The following SUCLA2 variants were observed in gnomAD, a reference collection of about 807,000 sequenced individuals.
The protein encoded by SUCLA2 is succinate-CoA ligase ADP-forming subunit beta, also known as succinate--CoA ligase [ADP-forming] subunit beta, mitochondrial.
Under a neutral mutation model 54.8 loss-of-function variants are expected in SUCLA2, and 30 were observed. That is an observed-to-expected ratio of 0.55 (90% confidence interval 0.41 to 0.74). The LOEUF is 0.74. Ranked by LOEUF, SUCLA2 falls within the 30% of genes least tolerant of loss-of-function variation. The probability of loss-of-function intolerance (pLI) is 0.00; values close to 1 mark genes in which losing one functional copy is unlikely to be tolerated. For missense variants in SUCLA2, 476 were observed against 562.9 expected (o/e 0.85, Z 1.56); for synonymous variants, 172 against 188.9 (o/e 0.91, Z 0.74).
chr13:47,967,705 G>C (rs571731907), intron 6 of SUCLA2, among the ~76,000 whole-genome samples: 1 of 151,750 alleles, frequency 6.6e-6, no homozygotes, highest in East Asian at 1.9e-4. Context: ...TTATCCAGGC[G>C]CGGTGGTGCA....
At chr13:47,988,343 G>C (rs1274364245) in intron 4 of SUCLA2, 198 bp downstream of exon 4, 1 of 580,888 alleles carries the variant, frequency 1.7e-6, no homozygotes, top group Non-Finnish European at 2.9e-6. Flanking sequence ...ATAATTTTAA[G>C]ATCATGATAT....
rs897279318 is a variant in SUCLA2, at chr13:47,996,287, C to T, written c.271+556G>A. On this transcript the variant is annotated intron_variant, in intron 2 of 10. Transcript: ENST00000646932. ...GCAGTGAGCCAGGATTGCACCATTG[C>T]ACTCCAACCTGGGCAATAAGAATGA... is the stretch of plus-strand genomic sequence containing the variant. 4.8e-5 allele frequency among the ~76,000 whole-genome samples: 7 copies of T among 145,004 alleles called. No homozygotes were observed. The East Asian group carries it at 1.4e-3, about 29-fold the overall frequency.
At chr13:47,998,371 T>A (rs1950205753) in intron 1 of SUCLA2, among the ~76,000 whole-genome samples, 1 of 150,278 alleles carries the variant, frequency 6.7e-6, no homozygotes, top group African/African-American at 2.4e-5. Context: ...ACCTTCTGAC[T>A]CAGAAATCCC....
chr13:47,978,237 G>A (rs1254584949), intron 4 of SUCLA2, among the ~76,000 whole-genome samples: 2 of 152,146 alleles, frequency 1.3e-5, no homozygotes, highest in African/African-American at 4.8e-5. Context: ...AACAAAGCTG[G>A]AGGCATCACG....
intron 8 of SUCLA2, among the ~76,000 whole-genome samples, chr13:47,951,346 C>G (rs1321403383): frequency 5.2e-5 from 7 of 134,722 alleles, no homozygotes; most frequent in African/African-American, 1.9e-4. Context: ...GCCTCTAGTC[C>G]CTCAATCCCT....
intron 4 of SUCLA2, among the ~76,000 whole-genome samples, chr13:47,977,290 C>G (rs1950022749): frequency 1.3e-5 from 2 of 152,006 alleles, no homozygotes; most frequent in African/African-American, 4.8e-5. Context: ...AATCAGTAAT[C>G]AAAAACTTCT....
chr13:47,972,594 G>A (rs1949976332), intron 5 of SUCLA2, among the ~76,000 whole-genome samples: 1 of 150,052 alleles, frequency 6.7e-6, no homozygotes, highest in African/African-American at 2.4e-5. Context: ...GCTTGATCCT[G>A]GGAGGCGGAG....
chr13:47,991,610 G>A (rs1220125859), intron 2 of SUCLA2: 1 of 152,114 alleles, frequency 6.6e-6, no homozygotes, highest in Non-Finnish European at 1.5e-5. Context: ...GGCCCAGGAG[G>A]GCAGAATCTT....
rs774098355 is a variant in SUCLA2, at chr13:47,983,363, CA to C, written c.534+5177del. On this transcript the variant is annotated intron_variant, in intron 4 of 10. Transcript: ENST00000646932. Reference sequence around the variant, plus strand: ...GAAGAAGAGGCGGTTCAGTTTTAGTCATGCCACTGAAATAGAATATAGACAA... The same window carrying C: ...GAAGAAGAGGCGGTTCAGTTTTAGTCTGCCACTGAAATAGAATATAGACAA... Among the ~76,000 whole-genome samples the C allele has an allele frequency of 1.8e-3, 248 of 137,252 alleles. 1 individual carries two copies. The Middle Eastern group carries it at 0.026, about 14-fold the overall frequency. 90.0% of individuals were successfully genotyped at this position (137,252 alleles called of 152,430 possible).
chr13:47,989,837 T>C (rs889438867), intron 2 of SUCLA2, among the ~76,000 whole-genome samples: 18 of 152,224 alleles, frequency 1.2e-4, no homozygotes, highest in Admixed American at 1.0e-3. Flanking sequence ...CAGTACTGCA[T>C]GAGTAGTACT....
At chr13:47,993,509 G>A (rs1298366148) in intron 2 of SUCLA2, among the ~76,000 whole-genome samples, 2 of 152,014 alleles carry the variant, frequency 1.3e-5, no homozygotes, top group Admixed American at 6.6e-5. Context: ...ATTCACAGCA[G>A]GTAAAACTTG....
rs1329792379 is a variant in SUCLA2 at position 47,988,968 on chromosome 13, G to A, written c.285C>T (p.Val95=). The part of the protein sequence containing the change: ...AIAKKLGSKD[V]VIKAQVLAGG... ...CAGCTAAAACCTGTGCCTTTATCAC[G>A]ACATCTTTTGAACCTAGAAGAAAAA... The change falls in exon 3 of 11, where the codon GTC becomes GTT. Residue 95 remains valine (V), a synonymous_variant. Coordinates refer to ENST00000646932, the MANE Select transcript of SUCLA2 (RefSeq NM_003850.3). 19 of 1,613,154 alleles carry A rather than the reference G, an allele frequency of 1.2e-5. No homozygotes were observed. The East Asian group carries it at 3.3e-4, about 28-fold the overall frequency.
At chr13:47,998,415 T>TA (rs1222260365) in intron 1 of SUCLA2, among the ~76,000 whole-genome samples, 1 of 151,944 alleles carries the variant, frequency 6.6e-6, no homozygotes, top group African/African-American at 2.4e-5. Flanking sequence ...AATTAGTCCT[T>TA]ACATCTGTCA....
intron 5 of SUCLA2, among the ~76,000 whole-genome samples, chr13:47,969,375 C>T (rs1682307709): frequency 6.6e-6 from 1 of 152,184 alleles, no homozygotes; most frequent in Non-Finnish European, 1.5e-5. Flanking sequence ...AAAAATCTAC[C>T]AAGCACCTAT....
At chr13:47,947,887 T>C (rs2137685868) in intron 10 of SUCLA2, among the ~76,000 whole-genome samples, 1 of 152,334 alleles carries the variant, frequency 6.6e-6, no homozygotes, top group Non-Finnish European at 1.5e-5. Context: ...AATACTTTTC[T>C]TTTTAAAAGG....
intron 6 of SUCLA2, among the ~76,000 whole-genome samples, chr13:47,961,626 G>A (rs1949872179): frequency 6.6e-6 from 1 of 152,118 alleles, no homozygotes; most frequent in Admixed American, 6.6e-5. Context: ...CAAATGTGAG[G>A]TAGTATTTAA....
At chr13:47,973,483 A>G (rs969642726) in intron 4 of SUCLA2, 91 bp from the exon 5 acceptor site, 20 of 1,428,384 alleles carry the variant, frequency 1.4e-5, no homozygotes, top group Middle Eastern at 3.5e-4. Context: ...TATCAGATGT[A>G]AGCATCTATT....
At chr13:47,995,577 A>C (rs1258816314) in intron 2 of SUCLA2, among the ~76,000 whole-genome samples, 3 of 152,202 alleles carry the variant, frequency 2.0e-5, no homozygotes, top group Non-Finnish European at 1.5e-5. Context: ...TAAGTACTAC[A>C]CAAGATGAAT....
intron 4 of SUCLA2, among the ~76,000 whole-genome samples, chr13:47,977,470 TAAAAG>T (rs1390363673): frequency 6.6e-6 from 1 of 151,626 alleles, no homozygotes; most frequent in Non-Finnish European, 1.5e-5. Flanking sequence ...CAGAAGGTAT[TAAAAG>T]AAAACTACAA....
Sources: allele counts gnomAD v4.1 joint callset (sites outside exome capture counted in the v4.1 genomes callset), GRCh38; gene constraint gnomAD v4.1.1; transcripts MANE v1.5; gene names NCBI Gene and HGNC (gene_info 2026-07-23, HGNC 2026-07-21).